Variants in RYR3 observed in about 807,000 individuals in gnomAD.
RYR3 encodes brain ryanodine receptor-calcium release channel.
In RYR3, 207 loss-of-function variants were observed where a neutral mutation model predicts 584.3. The ratio of observed to expected loss-of-function variants is 0.35; its 90% confidence interval spans 0.32 to 0.40. The LOEUF is 0.40. Ranked by LOEUF, RYR3 falls within the 10% of genes least tolerant of loss-of-function variation. RYR3 has a pLI of 1.00. For missense variants in RYR3, 5,616 were observed against 6,089.2 expected (o/e 0.92, Z 2.59); for synonymous variants, 2,416 against 2,248.5 (o/e 1.07, Z -2.11).
chr15:33,746,197 G>C (rs368151233), intron 53 of RYR3, 40 bp downstream of exon 53: 6 of 1,366,560 alleles, frequency 4.4e-6, no homozygotes, highest in Non-Finnish European at 6.2e-6. Flanking sequence ...TGACCATGCT[G>C]TTTCCTTCCT....
At chr15:33,358,616 G>A (rs1974312149) in intron 1 of RYR3, among the ~76,000 whole-genome samples, 2 of 146,774 alleles carry the variant, frequency 1.4e-5, no homozygotes, top group African/African-American at 2.5e-5. Context: ...TGATTTAAAT[G>A]CCTTGTCACA....
chr15:33,312,451 G>C (rs573889065), intron 1 of RYR3, among the ~76,000 whole-genome samples: 118 of 152,124 alleles, frequency 7.8e-4, no homozygotes, highest in Middle Eastern at 3.4e-3. Context: ...TTCATCCTTC[G>C]TCTGACCTGC....
chr15:33,742,221 G>T (rs956614950), intron 51 of RYR3, 145 bp from the exon 52 acceptor site: 4 of 649,188 alleles, frequency 6.2e-6, no homozygotes, highest in East Asian at 5.6e-5. Context: ...ATGTCACTGC[G>T]CCTGGAGTCC....
At chr15:33,564,427 G>A (rs1226704341) in intron 11 of RYR3, among the ~76,000 whole-genome samples, 1 of 152,198 alleles carries the variant, frequency 6.6e-6, no homozygotes, top group African/African-American at 2.4e-5. Context: ...GGAAAATACA[G>A]TAGGCTTTCC....
At chr15:33,683,845 C>T (rs10162776) in intron 38 of RYR3, among the ~76,000 whole-genome samples, 22,364 of 152,288 alleles carry the variant, frequency 0.15, 1,853 homozygotes, top group African/African-American at 0.23. Context: ...CTGTGCCTGC[C>T]TCAGCGGGTC....
intron 67 of RYR3, among the ~76,000 whole-genome samples, chr15:33,794,683 C>A (rs1200641016): frequency 2.0e-5 from 3 of 152,116 alleles, no homozygotes; most frequent in African/African-American, 7.2e-5. Flanking sequence ...CATTCATCCC[C>A]ACTTTTCAAT....
At chr15:33,480,999 T>A (rs2049913308) in intron 2 of RYR3, among the ~76,000 whole-genome samples, 1 of 152,256 alleles carries the variant, frequency 6.6e-6, no homozygotes, top group African/African-American at 2.4e-5. Flanking sequence ...GTTAAAGCTC[T>A]GTTATTAGGT....
chr15:33,558,431 C>T (rs1317253032), intron 10 of RYR3, among the ~76,000 whole-genome samples: 1 of 151,456 alleles, frequency 6.6e-6, no homozygotes, highest in Non-Finnish European at 1.5e-5. Context: ...ATGAACTCAT[C>T]ATTTTTTATG....
chr15:33,794,272 T>G (rs1163837271), intron 67 of RYR3, among the ~76,000 whole-genome samples: 1 of 121,702 alleles, frequency 8.2e-6, no homozygotes, highest in Non-Finnish European at 1.6e-5. Flanking sequence ...TTCCCATAGA[T>G]AGGTAAGGAA....
intron 2 of RYR3, among the ~76,000 whole-genome samples, chr15:33,481,469 T>G (rs1448371109): frequency 1.8e-5 from 2 of 112,904 alleles, no homozygotes; most frequent in Non-Finnish European, 3.4e-5. Flanking sequence ...TTAGTATTAT[T>G]TTTGAATACT....
At chr15:33,740,029 A>G (rs1406838253) in intron 51 of RYR3, 34 bp downstream of exon 51, 4 of 1,592,084 alleles carry the variant, frequency 2.5e-6, no homozygotes, top group Admixed American at 3.4e-5. Context: ...CTGGTGCTGT[A>G]TTTTGTCCAA....
intron 62 of RYR3, 25 bp downstream of exon 62, chr15:33,769,197 T>C (rs773406866): frequency 6.4e-6 from 10 of 1,551,616 alleles, no homozygotes; most frequent in South Asian, 1.1e-5. Context: ...TTTTTCCCAA[T>C]AGTTTCTCAT....
At chr15:33,654,058 G>A (rs1227927530) in intron 32 of RYR3, among the ~76,000 whole-genome samples, 4 of 152,042 alleles carry the variant, frequency 2.6e-5, no homozygotes, top group Non-Finnish European at 4.4e-5. Flanking sequence ...TAATGTCTAC[G>A]TTAAACATTC....
Position 33,635,770 on chromosome 15 carries a change from A to T in RYR3, c.3332A>T (p.Asp1111Val), listed in dbSNP as rs2061469265. 6.2e-7 allele frequency: 1 copy of T among 1,613,762 alleles called. No homozygotes were observed. ...VGWARPGCRP[D>V]VELGADDQAF... Reference sequence around the variant, plus strand: ...TGGGCGAGGCCAGGCTGTCGACCTGATGTCGAGCTGGGGGCCGATGACCAA... The same window carrying T: ...TGGGCGAGGCCAGGCTGTCGACCTGTTGTCGAGCTGGGGGCCGATGACCAA... Residue 1111 changes from aspartate to valine, a missense_variant, in exon 26 of 104, where the codon GAT becomes GTT. By Grantham distance (152) the Asp-to-Val change is radical. This residue lies in a region of RYR3 where 152 missense variants were observed against 200.9 expected (regional missense o/e 0.76). Transcript: ENST00000634891.
At chr15:33,546,955 T>C (rs1357471229) in intron 8 of RYR3, among the ~76,000 whole-genome samples, 3 of 152,234 alleles carry the variant, frequency 2.0e-5, no homozygotes, top group African/African-American at 7.2e-5. Context: ...AGTTAGTGAA[T>C]GTAAATGCAG....
intron 36 of RYR3, among the ~76,000 whole-genome samples, chr15:33,666,167 A>G (rs4779629): frequency 0.89 from 135,317 of 152,084 alleles, 60,884 homozygotes; most frequent in Non-Finnish European, 0.95. Flanking sequence ...ACCATGACCA[A>G]CTAATTTTTG....
At chr15:33,842,811 A>G (rs947361951) in intron 91 of RYR3, among the ~76,000 whole-genome samples, 5 of 152,126 alleles carry the variant, frequency 3.3e-5, no homozygotes, top group Non-Finnish European at 7.4e-5. Flanking sequence ...TTCCTAATAG[A>G]CTGCTTGCTG....
chr15:33,837,935 G>C lies in RYR3; in HGVS notation c.11955G>C (p.Glu3985Asp). The C allele has an allele frequency of 6.2e-7, 1 of 1,613,988 alleles. No homozygotes were observed. The highest frequency in any genetic ancestry group is 1.3e-5 in the African/African-American group (1 of 75,044). Reference sequence around the variant, plus strand: ...TTGATTTTGTAGACCGGTTCCATGAGCCAGCCAAGGACATAGGGTTTAATG... The same window carrying C: ...TTGATTTTGTAGACCGGTTCCATGACCCAGCCAAGGACATAGGGTTTAATG... ...NYVDFVDRFHEPAKDIGFNVA... is the reference protein window; with the variant it reads ...NYVDFVDRFHDPAKDIGFNVA... The change falls in exon 89 of 104, where the codon GAG becomes GAC. Residue 3985 changes from glutamate (E) to aspartate (D), a missense_variant. Around this residue, in one of 9 missense-constraint regions of RYR3, gnomAD observed 258 missense variants for 297.3 expected, o/e 0.87. Coordinates refer to ENST00000634891, the MANE Select transcript of RYR3 (RefSeq NM_001036.6).
chr15:33,713,279 TTG>T (rs1427788495), intron 43 of RYR3, among the ~76,000 whole-genome samples: 2 of 151,670 alleles, frequency 1.3e-5, no homozygotes, highest in African/African-American at 4.8e-5. Context: ...GTAGTGGGAA[TTG>T]TGATAGTGGG....
Sources: gnomAD v4.1 joint callset for allele counts (sites outside exome capture counted in the v4.1 genomes callset) on GRCh38, gnomAD v4.1.1 for gene constraint, gnomAD v4.1.1 regional missense constraint, MANE v1.5 for transcripts, NCBI Gene and HGNC (gene_info 2026-07-23, HGNC 2026-07-21) for gene names.